Variants in JAK1 observed in about 807,000 individuals in gnomAD.
JAK1 encodes tyrosine-protein kinase JAK1.
A neutral mutation model predicts 136.6 loss-of-function variants in JAK1; 16 were observed. That is an observed-to-expected ratio of 0.12 (90% CI 0.08 to 0.18). The LOEUF is 0.18. Among genes scored for constraint, JAK1 ranks in the 10% least tolerant of loss-of-function variants. The pLI, the probability that JAK1 is intolerant of heterozygous loss-of-function variation, is 1.00. For missense variants in JAK1, 859 were observed against 1,450.1 expected, an observed-to-expected ratio of 0.59 and a Z score of 6.62; for synonymous variants, 492 against 519.5, an observed-to-expected ratio of 0.95 and a Z score of 0.72.
rs571221349 is a variant in JAK1 at position 64,886,636 on chromosome 1, G to T, written c.-77-295C>A. Among the ~76,000 whole-genome samples the T allele has an allele frequency of 2.6e-5, 4 of 152,116 alleles. No individual in the cohort carries two copies. The South Asian group carries it at 8.3e-4, about 32-fold the overall frequency. On this transcript the variant is annotated intron_variant, in intron 1 of 24. Transcript: ENST00000342505. ...CCTGTCCAATGTAAATGAAGATTGT[G>T]TGCTTTTTCCATCAACAGCCCCTCT...
chr1:64,844,572 C>G lies in JAK1; in HGVS notation c.2251+182G>C, dbSNP rs773656006. Among the ~76,000 whole-genome samples, 6 of 151,818 alleles carry G rather than the reference C, an allele frequency of 4.0e-5. No individual in the cohort carries two copies. Among genetic ancestry groups the G allele is most frequent in the Non-Finnish European group, 5.9e-5 (4 of 68,002 alleles). On this transcript the variant is annotated intron_variant, in intron 16 of 24. Coordinates refer to ENST00000342505, the MANE Select transcript of JAK1 (RefSeq NM_002227.4). This position sits in a 1 kb window ranked among gnomAD's most constrained non-coding sequence, Gnocchi z 5.7. ...GCAGGAGGACGAACGGGGGCTCGTT[C>G]AAGGACTTAAGAGAAGGCAGGAGAT...
intron 8 of JAK1, among the ~76,000 whole-genome samples, chr1:64,862,591 G>A (rs1194518206): frequency 6.6e-6 from 1 of 152,214 alleles, no homozygotes; most frequent in African/African-American, 2.4e-5. Flanking sequence ...GGTGAGCTCT[G>A]ACTTAGATGA....
upstream of JAK1, among the ~76,000 whole-genome samples, chr1:64,968,049 G>C (rs1331371945): frequency 6.6e-6 from 1 of 152,168 alleles, no homozygotes; most frequent in African/African-American, 2.4e-5. Flanking sequence ...GAAGTGGTAG[G>C]GGTTTTTATT....
At chr1:64,889,762 C>T (rs1367780249) in intron 1 of JAK1, among the ~76,000 whole-genome samples, 3 of 152,196 alleles carry the variant, frequency 2.0e-5, no homozygotes, top group African/African-American at 7.2e-5. Flanking sequence ...TTTTGAAAGA[C>T]TGGTATCTGC....
upstream of JAK1, among the ~76,000 whole-genome samples, chr1:64,969,631 A>T (rs1468429139): frequency 6.6e-6 from 1 of 152,162 alleles, no homozygotes; most frequent in Non-Finnish European, 1.5e-5. Context: ...CTGGGGAAGG[A>T]TACTGAGGAA....
intron 2 of JAK1, among the ~76,000 whole-genome samples, chr1:65,030,218 G>A (rs1189573799): frequency 6.6e-6 from 1 of 152,182 alleles, no homozygotes; most frequent in African/African-American, 2.4e-5. Flanking sequence ...CTCTCACAAG[G>A]AACTGAACCA....
chr1:65,055,678 T>C (rs908605037), intron 1 of JAK1, among the ~76,000 whole-genome samples: 2 of 152,194 alleles, frequency 1.3e-5, no homozygotes, highest in African/African-American at 4.8e-5. Flanking sequence ...CTTGCATCAC[T>C]TCTCTCTTAA....
In JAK1 at chr1:65,000,828, T is replaced by A. The variant is rs376780514; in HGVS notation, c.-78+43652A>T. 1.9e-4 allele frequency among the ~76,000 whole-genome samples: 29 copies of A among 152,226 alleles called. 5 individuals are homozygous for A. Among genetic ancestry groups the A allele is most frequent in the Admixed American group, 3.3e-4 (5 of 15,286 alleles). On this transcript the variant is annotated intron_variant, in intron 2 of 25. Coordinates refer to the JAK1 transcript ENST00000671954. The stretch of plus-strand genomic sequence containing the variant: ...TTTTCTGCAATGAATAATAATTATT[T>A]TTGTGATTTTTAAAAAGGAGGGTTT...
chr1:65,041,689 A>G (rs1466098385), intron 2 of JAK1, among the ~76,000 whole-genome samples: 6 of 152,188 alleles, frequency 3.9e-5, no homozygotes, highest in South Asian at 2.1e-4. Context: ...GCAAATACTT[A>G]TACTATATAT....
At chr1:64,880,063 G>A (rs1644745954) in intron 3 of JAK1, among the ~76,000 whole-genome samples, 1 of 152,166 alleles carries the variant, frequency 6.6e-6, no homozygotes, top group Non-Finnish European at 1.5e-5. Flanking sequence ...GAGGTAATAG[G>A]CACTTGTTTC....
chr1:64,981,011 A>ACCTATTTAT (rs1468528639), intron 2 of JAK1, among the ~76,000 whole-genome samples: 2 of 152,058 alleles, frequency 1.3e-5, no homozygotes, highest in African/African-American at 4.8e-5. Context: ...GCATTTTCCA[A>ACCTATTTAT]CCTATTTATT....
chr1:64,971,562 C>CTTT (rs34048219), intron 2 of JAK1, among the ~76,000 whole-genome samples: 1 of 144,438 alleles, frequency 6.9e-6, no homozygotes, highest in Non-Finnish European at 1.5e-5. Flanking sequence ...CTCTGTCATA[C>CTTT]TTTTTTTTTT....
chr1:64,943,997 C>T (rs1439781852), intron 1 of JAK1, among the ~76,000 whole-genome samples: 1 of 151,328 alleles, frequency 6.6e-6, no homozygotes, highest in African/African-American at 2.4e-5. Flanking sequence ...CCGAGGTAGG[C>T]GGATCACGAG....
intron 1 of JAK1, among the ~76,000 whole-genome samples, chr1:64,911,117 A>C (rs752097679): frequency 4.6e-5 from 7 of 152,196 alleles, no homozygotes; most frequent in Non-Finnish European, 1.0e-4. Flanking sequence ...CTACTGACCA[A>C]TGTAGTTGGA....
chr1:64,898,356 T>C (rs946227281), intron 1 of JAK1, among the ~76,000 whole-genome samples: 1 of 152,194 alleles, frequency 6.6e-6, no homozygotes, highest in Non-Finnish European at 1.5e-5. Context: ...TAAAAGGGAA[T>C]ACAGAGTCAG....
At chr1:64,874,279 C>T (rs1657257450) in intron 4 of JAK1, among the ~76,000 whole-genome samples, 1 of 151,926 alleles carries the variant, frequency 6.6e-6, no homozygotes, top group South Asian at 2.1e-4. Flanking sequence ...TCCATTCATA[C>T]ACAGATTTTT....
chr1:64,873,764 A>C (rs1336662190), intron 4 of JAK1, among the ~76,000 whole-genome samples: 1 of 152,200 alleles, frequency 6.6e-6, no homozygotes, highest in African/African-American at 2.4e-5. Flanking sequence ...AAGATCACAA[A>C]GACAGCTCCT....
intron 2 of JAK1, among the ~76,000 whole-genome samples, chr1:65,012,641 A>C (rs983070688): frequency 6.6e-6 from 1 of 151,922 alleles, no homozygotes. Flanking sequence ...AAATTCACCA[A>C]ATTAGCTAGG....
intron 4 of JAK1, among the ~76,000 whole-genome samples, chr1:64,875,189 G>A (rs573678766): frequency 6.6e-6 from 1 of 152,302 alleles, no homozygotes; most frequent in South Asian, 2.1e-4. Flanking sequence ...GAGACAGGTC[G>A]CCCTCCATTG....
Sources: allele counts gnomAD v4.1 joint callset (sites outside exome capture counted in the v4.1 genomes callset), GRCh38; gene constraint gnomAD v4.1.1; non-coding constraint Gnocchi (gnomAD v3.1); transcripts MANE v1.5; gene names NCBI Gene and HGNC (gene_info 2026-07-23, HGNC 2026-07-21).